The following ZDHHC21 variants were observed in gnomAD, a reference collection of about 807,000 sequenced individuals.
The protein encoded by ZDHHC21 is zDHHC palmitoyltransferase 21, also known as palmitoyltransferase ZDHHC21.
ZDHHC21 carries 15 observed loss-of-function variants against 34.6 expected under a neutral mutation model. The observed-to-expected ratio is 0.43, with a 90% CI of 0.29 to 0.67. The LOEUF (loss-of-function observed/expected upper bound fraction) is 0.67, where lower values mean the gene tolerates loss of function less well. Among genes scored for constraint, ZDHHC21 ranks in the 30% least tolerant of loss-of-function variants. ZDHHC21 has a pLI of 0.14. For synonymous variants in ZDHHC21, 142 were observed against 101.8 expected, an observed-to-expected ratio of 1.40 and a Z score of -2.38; for missense variants, 344 against 327.7, an observed-to-expected ratio of 1.05 and a Z score of -0.38.
At chr9:14,648,710 T>C (rs200043413) in intron 7 of ZDHHC21, among the ~76,000 whole-genome samples, 1 of 152,122 alleles carries the variant, frequency 6.6e-6, no homozygotes, top group Admixed American at 6.6e-5. Context: ...GGAACTTTGT[T>C]TTAGAGCCTA....
At chr9:14,684,022 T>C (rs1217446525) in intron 2 of ZDHHC21, among the ~76,000 whole-genome samples, 2 of 152,166 alleles carry the variant, frequency 1.3e-5, no homozygotes, top group Admixed American at 6.6e-5. Context: ...TATAAACTCT[T>C]AATAAATTAG....
chr9:14,630,381 C>T (rs937092526), intron 8 of ZDHHC21, among the ~76,000 whole-genome samples: 2 of 152,184 alleles, frequency 1.3e-5, no homozygotes, highest in Non-Finnish European at 2.9e-5. Context: ...GCAATTCGGT[C>T]ACATCTTCCA....
chr9:14,604,041 T>C, the ZDHHC21 span, among the ~76,000 whole-genome samples: 19 of 152,260 alleles, frequency 1.2e-4, no homozygotes, highest in African/African-American at 3.4e-4. Context: ...GGCAAATCGA[T>C]TGGACTGACA....
intron 8 of ZDHHC21, among the ~76,000 whole-genome samples, chr9:14,635,367 T>C (rs1214439345): frequency 1.3e-5 from 2 of 152,144 alleles, no homozygotes; most frequent in Non-Finnish European, 2.9e-5. Context: ...AAAAAGGTCT[T>C]CTCCGATTTG....
intron 7 of ZDHHC21, among the ~76,000 whole-genome samples, chr9:14,648,136 T>C (rs564534862): frequency 7.9e-4 from 120 of 152,206 alleles, no homozygotes; most frequent in African/African-American, 2.7e-3. Context: ...CGTTTCGCAT[T>C]CTATCTCACA....
At chr9:14,647,648 G>T (rs998039222) in intron 7 of ZDHHC21, among the ~76,000 whole-genome samples, 1 of 147,484 alleles carries the variant, frequency 6.8e-6, no homozygotes, top group African/African-American at 2.5e-5. Context: ...ATATTCCACA[G>T]TCCATCATGA....
chr9:14,680,439 C>T (rs150029362), intron 2 of ZDHHC21, among the ~76,000 whole-genome samples: 14 of 152,170 alleles, frequency 9.2e-5, no homozygotes, highest in African/African-American at 3.4e-4. Context: ...CATTATATGT[C>T]CAGTATTTGG....
At position 14,658,764 on chromosome 9, in the gene ZDHHC21, T is replaced by G; in HGVS notation, c.489A>C (p.Leu163=). The G allele has an allele frequency of 6.2e-7, 1 of 1,613,730 alleles. No homozygotes were observed. Residue 163 remains leucine (L), a synonymous_variant, in exon 7 of 10, where the codon CTA becomes CTC. Transcript: ENST00000380916. ...CATTTCTTACCAAATTACGCTTTTT[T>G]AGTGGAAGAAAATAGTAATAGTGGC... ...SFCHYYYFLP[L]KKRNLDLFVF...
chr9:14,689,827 A>G (rs1838911267), intron 2 of ZDHHC21, among the ~76,000 whole-genome samples: 1 of 152,174 alleles, frequency 6.6e-6, no homozygotes, highest in African/African-American at 2.4e-5. Context: ...TGCTGCAATC[A>G]CAGCCCACTG....
intron 8 of ZDHHC21, among the ~76,000 whole-genome samples, chr9:14,636,650 T>A (rs1425921735): frequency 1.3e-5 from 2 of 152,090 alleles, no homozygotes; most frequent in Admixed American, 1.3e-4. Flanking sequence ...AGACCATAGG[T>A]TAGGACACAA....
At chr9:14,609,502 A>G (rs1302464483), downstream of ZDHHC21, among the ~76,000 whole-genome samples, 1 of 152,126 alleles carries the variant, frequency 6.6e-6, no homozygotes, top group Admixed American at 6.6e-5. Flanking sequence ...AAAAAAATTC[A>G]AGCTTTCACA....
chr9:14,658,740 A>G lies in ZDHHC21; in HGVS notation c.504+9T>C, dbSNP rs2133910510. The G allele has an allele frequency of 2.5e-6, 4 of 1,612,958 alleles. No individual in the cohort carries two copies. The highest frequency in any genetic ancestry group is 1.3e-5 in the African/African-American group (1 of 74,924). Reference sequence around the variant, plus strand: ...CCCGCCTCGGCCTCCCAATATAAACATTTCTTACCAAATTACGCTTTTTTA... The same window carrying G: ...CCCGCCTCGGCCTCCCAATATAAACGTTTCTTACCAAATTACGCTTTTTTA... On this transcript the variant is annotated intron_variant, in intron 7 of 9. Coordinates refer to ENST00000380916, the MANE Select transcript of ZDHHC21 (RefSeq NM_178566.6).
the ZDHHC21 span, among the ~76,000 whole-genome samples, chr9:14,601,937 G>C: frequency 6.6e-6 from 1 of 152,070 alleles, no homozygotes; most frequent in Non-Finnish European, 1.5e-5. Flanking sequence ...ATAAGTGGGA[G>C]TTGAACAATG....
the ZDHHC21 span, chr9:14,590,175 G>C: frequency 2.0e-5 from 3 of 152,136 alleles, no homozygotes; most frequent in African/African-American, 7.2e-5. Context: ...GTTAGCAGCA[G>C]GGTTAGCAGC....
chr9:14,612,843 TACACACACACACACACACACAC>T lies in ZDHHC21; in HGVS notation c.*6101_*6122del, dbSNP rs143588638. On this transcript the variant is annotated 3_prime_UTR_variant, in exon 10 of 10. Transcript: ENST00000380916. ...ATTATTCTTTAAAGCCACTAAAGAT[TACACACACACACACACACACAC>T]ACACACACACACACACGCTGAACTC... The T allele has an allele frequency of 7.0e-6, 1 of 143,250 alleles. No individual in the cohort carries two copies. Among genetic ancestry groups the T allele is most frequent in the South Asian group, 2.3e-4 (1 of 4,344 alleles). 8.9% of individuals were successfully genotyped at this position (143,250 alleles called of 1,614,324 possible).
intron 5 of ZDHHC21, among the ~76,000 whole-genome samples, chr9:14,663,301 G>C (rs1297283349): frequency 6.6e-6 from 1 of 152,042 alleles, no homozygotes; most frequent in East Asian, 1.9e-4. Flanking sequence ...TATGGACATA[G>C]TAAGATTAGC....
downstream of ZDHHC21, among the ~76,000 whole-genome samples, chr9:14,610,495 T>C (rs1823169201): frequency 6.6e-6 from 1 of 152,022 alleles, no homozygotes; most frequent in Non-Finnish European, 1.5e-5. Flanking sequence ...ACTTTTCTGG[T>C]AATAAAATTT....
At chr9:14,673,004 A>C in intron 4 of ZDHHC21, 76 bp from the exon 5 acceptor site, 1 of 948,604 alleles carries the variant, frequency 1.1e-6, no homozygotes, top group Non-Finnish European at 1.5e-6. Flanking sequence ...TTTAAAGTTT[A>C]AAATGTATAT....
At chr9:14,675,595 A>G (rs562885441) in intron 3 of ZDHHC21, among the ~76,000 whole-genome samples, 107 of 152,124 alleles carry the variant, frequency 7.0e-4, no homozygotes, top group African/African-American at 2.5e-3. Context: ...ACTTAGTTCA[A>G]CAAATATTCA....
Sources: gnomAD v4.1 joint callset for allele counts (sites outside exome capture counted in the v4.1 genomes callset) on GRCh38, gnomAD v4.1.1 for gene constraint, MANE v1.5 for transcripts, NCBI Gene and HGNC (gene_info 2026-07-23, HGNC 2026-07-21) for gene names.